The following TLN2 variants were observed in gnomAD, a reference collection of about 807,000 sequenced individuals.
The protein encoded by TLN2 is talin 2.
Under a neutral mutation model 294.7 loss-of-function variants are expected in TLN2, and 118 were observed. The observed-to-expected ratio is 0.40, with a 90% confidence interval of 0.34 to 0.47. The LOEUF (loss-of-function observed/expected upper bound fraction) is 0.47, where lower values mean the gene tolerates loss of function less well. TLN2 is among the 20% of genes least tolerant of loss of function. The pLI, the probability that TLN2 is intolerant of heterozygous loss-of-function variation, is 0.84. For synonymous variants in TLN2, 1,431 were observed against 1,304.5 expected (o/e 1.10, Z -2.09); for missense variants, 3,083 against 3,282.2 (o/e 0.94, Z 1.48).
intron 1 of TLN2, among the ~76,000 whole-genome samples, chr15:62,432,307 G>A (rs1385695699): frequency 6.6e-6 from 1 of 152,162 alleles, no homozygotes; most frequent in Non-Finnish European, 1.5e-5. Flanking sequence ...TCAAAGAACA[G>A]ACATTTATTT....
chr15:62,656,071 C>A lies in TLN2; in HGVS notation c.645C>A (p.Asn215Lys), dbSNP rs1567276817. The change falls in exon 8 of 59, where the codon AAC (asparagine) becomes AAA (lysine). Residue 215 changes from asparagine (N) to lysine (K), a missense_variant. Physicochemically the swap from Asn to Lys is moderately conservative, Grantham distance 94. Transcript: ENST00000636159. ...NVDSRDPVQL[N>K]LLYVQARDDI... is the part of the protein sequence containing the mutation. ...ATTCGAGAGACCCCGTGCAGCTGAA[C>A]TTGCTTTATGTTCAGGTACAGTATT... is the stretch of plus-strand genomic sequence containing the variant. 4 of 1,614,180 alleles carry A rather than the reference C, an allele frequency of 2.5e-6. No homozygotes were observed. Among genetic ancestry groups the A allele is most frequent in the Admixed American group, 3.3e-5 (2 of 60,026 alleles).
intron 37 of TLN2, among the ~76,000 whole-genome samples, chr15:62,755,998 C>T (rs2062223019): frequency 6.6e-6 from 1 of 152,172 alleles, no homozygotes; most frequent in Non-Finnish European, 1.5e-5. Flanking sequence ...CCTCTCTTAG[C>T]ACTGTGCTTG....
intron 57 of TLN2, among the ~76,000 whole-genome samples, chr15:62,837,584 A>G (rs569895607): frequency 1.3e-4 from 20 of 152,258 alleles, no homozygotes; most frequent in East Asian, 7.7e-4. Context: ...GGATGTTGCA[A>G]TGTTTTATTT....
At chr15:62,722,606 G>C (rs2060213008) in intron 26 of TLN2, 119 bp downstream of exon 26, 1 of 1,285,922 alleles carries the variant, frequency 7.8e-7, no homozygotes, top group East Asian at 2.5e-5. Context: ...CATTCTACTT[G>C]CATGACTATT....
chr15:62,412,354 TGAACTCAA>T (rs1237231788), intron 1 of TLN2, among the ~76,000 whole-genome samples: 16 of 152,318 alleles, frequency 1.1e-4, no homozygotes. Context: ...GTCTGGGATT[TGAACTCAA>T]GTTTCTGGCT....
rs1000069104 is a variant in TLN2 at position 62,631,506 on chromosome 15, CTT to C, written c.-37+13033_-37+13034del. Among the ~76,000 whole-genome samples, 7 of 138,232 alleles carry C rather than the reference CTT, an allele frequency of 5.1e-5. No homozygotes were observed. The East Asian group carries it at 1.1e-3, about 21-fold the overall frequency. 90.7% of individuals were successfully genotyped at this position (138,232 alleles called of 152,430 possible). On this transcript the variant is annotated intron_variant, in intron 3 of 58. Transcript: ENST00000636159. ...TTCTTTCTTTCTTTCTTCCTCTTTT[CTT>C]TCTTTCTTTCTTCCTTTCCTTTCCT...
intron 1 of TLN2, among the ~76,000 whole-genome samples, chr15:62,545,732 AATCTCAG>A (rs1471725579): frequency 2.0e-5 from 3 of 152,152 alleles, no homozygotes; most frequent in Non-Finnish European, 4.4e-5. Context: ...GAAATTTGGT[AATCTCAG>A]AACTCAGAAC....
chr15:62,431,219 T>C (rs978628348), intron 1 of TLN2, among the ~76,000 whole-genome samples: 1 of 152,122 alleles, frequency 6.6e-6, no homozygotes, highest in African/African-American at 2.4e-5. Context: ...CTGGAGCATG[T>C]GAAACTGTGT....
intron 19 of TLN2, among the ~76,000 whole-genome samples, chr15:62,704,109 T>G (rs1324411003): frequency 3.3e-5 from 5 of 152,222 alleles, no homozygotes; most frequent in African/African-American, 1.2e-4. Context: ...CTACAGAATT[T>G]CATTGGCCTT....
At chr15:62,817,652 T>C (rs1361092629) in intron 52 of TLN2, among the ~76,000 whole-genome samples, 1 of 152,086 alleles carries the variant, frequency 6.6e-6, no homozygotes, top group Non-Finnish European at 1.5e-5. Flanking sequence ...AAGGGGTTAG[T>C]CCTGGGGTCT....
intron 1 of TLN2, among the ~76,000 whole-genome samples, chr15:62,550,959 C>G (rs1199236506): frequency 6.6e-6 from 1 of 152,114 alleles, no homozygotes; most frequent in Non-Finnish European, 1.5e-5. Context: ...AATTATATAA[C>G]TCACCATAAT....
chr15:62,436,734 T>G (rs2035304160), intron 1 of TLN2, among the ~76,000 whole-genome samples: 1 of 152,154 alleles, frequency 6.6e-6, no homozygotes, highest in East Asian at 1.9e-4. Flanking sequence ...ATTTATTTAT[T>G]TTTTTTAGAG....
intron 1 of TLN2, among the ~76,000 whole-genome samples, chr15:62,546,726 G>A (rs887831688): frequency 3.3e-5 from 5 of 152,364 alleles, no homozygotes; most frequent in Admixed American, 1.3e-4. Flanking sequence ...GCCACACAGC[G>A]AAGGCGGAGT....
intron 10 of TLN2, 34 bp from the exon 11 acceptor site, chr15:62,675,183 C>A (rs1053183624): frequency 7.5e-6 from 12 of 1,602,126 alleles, no homozygotes; most frequent in Non-Finnish European, 1.0e-5. Flanking sequence ...GGCAGAGATG[C>A]AATAACTGGT....
intron 1 of TLN2, among the ~76,000 whole-genome samples, chr15:62,529,928 A>C (rs1316150486): frequency 6.6e-6 from 1 of 152,182 alleles, no homozygotes; most frequent in East Asian, 1.9e-4. Context: ...CCAATGGCTC[A>C]TGCCTGTAAT....
intron 1 of TLN2, among the ~76,000 whole-genome samples, chr15:62,438,694 C>T (rs1043865790): frequency 6.6e-6 from 1 of 152,186 alleles, no homozygotes; most frequent in Non-Finnish European, 1.5e-5. Context: ...TATAAAACCC[C>T]TGGAACAATG....
intron 12 of TLN2, chr15:62,690,299 G>A (rs1486107360): frequency 4.0e-4 from 65 of 160,952 alleles, no homozygotes; most frequent in East Asian, 1.7e-3. Flanking sequence ...CAGACGGGGC[G>A]GCCGGGCAGA....
chr15:62,492,187 C>T (rs548359972), intron 1 of TLN2, among the ~76,000 whole-genome samples: 2 of 152,070 alleles, frequency 1.3e-5, no homozygotes, highest in African/African-American at 2.4e-5. Flanking sequence ...CGCGGTGGCT[C>T]ACGCCTGTAA....
chr15:62,528,854 G>A (rs2040876164), intron 1 of TLN2, among the ~76,000 whole-genome samples: 1 of 152,032 alleles, frequency 6.6e-6, no homozygotes, highest in Non-Finnish European at 1.5e-5. Flanking sequence ...TCTCTCAGCT[G>A]TGTGCTTGTT....
Sources: allele counts gnomAD v4.1 joint callset (sites outside exome capture counted in the v4.1 genomes callset), GRCh38; gene constraint gnomAD v4.1.1; transcripts MANE v1.5; gene names NCBI Gene and HGNC (gene_info 2026-07-23, HGNC 2026-07-21).